Variants in ATP13A3 observed in about 807,000 individuals in gnomAD.
ATP13A3 encodes ATPase 13A3, also known as polyamine-transporting ATPase 13A3.
Under a neutral mutation model 158.1 loss-of-function variants are expected in ATP13A3, and 59 were observed. The ratio of observed to expected loss-of-function variants is 0.37; its 90% CI spans 0.30 to 0.46. ATP13A3 has a LOEUF of 0.46. ATP13A3 is among the 20% of genes least tolerant of loss of function. The pLI is 1.00. For synonymous variants in ATP13A3, 491 were observed against 504.3 expected (o/e 0.97, Z 0.35); for missense variants, 1,166 against 1,525.2 (o/e 0.76, Z 3.92).
At chr3:194,455,761 T>C in intron 8 of ATP13A3, 132 bp downstream of exon 8, 1 of 653,518 alleles carries the variant, frequency 1.5e-6, no homozygotes, top group South Asian at 2.0e-5. Context: ...GTCTTCCGTC[T>C]TTACCTTCCA....
chr3:194,429,961 G>T, intron 26 of ATP13A3, 111 bp downstream of exon 26: 1 of 1,057,452 alleles, frequency 9.5e-7, no homozygotes, highest in Non-Finnish European at 1.4e-6. Flanking sequence ...CAGCTCAAAT[G>T]TGCTAATCTG....
At chr3:194,471,673 C>T (rs1720313252) in intron 2 of ATP13A3, among the ~76,000 whole-genome samples, 1 of 152,234 alleles carries the variant, frequency 6.6e-6, no homozygotes, top group African/African-American at 2.4e-5. Flanking sequence ...TTTTATCAAA[C>T]TAATTCATCT....
At chr3:194,452,990 C>A (rs1025160873) in intron 10 of ATP13A3, 1 of 151,988 alleles carries the variant, frequency 6.6e-6, no homozygotes, top group Non-Finnish European at 1.5e-5. Context: ...AACTCAGGAA[C>A]TGAAATGTAT....
intron 2 of ATP13A3, among the ~76,000 whole-genome samples, chr3:194,483,297 AAAG>A (rs1327744622): frequency 6.6e-6 from 1 of 150,826 alleles, no homozygotes; most frequent in East Asian, 1.9e-4. Flanking sequence ...GGGGAAAAAA[AAAG>A]AAAAAAGGAC....
intron 10 of ATP13A3, 82 bp downstream of exon 10, chr3:194,453,624 G>T: frequency 9.8e-7 from 1 of 1,017,284 alleles, no homozygotes; most frequent in East Asian, 2.4e-5. Context: ...GAATGTATAT[G>T]TATTATACTT....
chr3:194,466,381 C>T (rs1719990341), intron 2 of ATP13A3, among the ~76,000 whole-genome samples: 1 of 152,092 alleles, frequency 6.6e-6, no homozygotes. Context: ...AGGAGAGATG[C>T]AAATTACCAG....
chr3:194,482,643 C>G (rs781669742), intron 2 of ATP13A3, among the ~76,000 whole-genome samples: 7 of 152,142 alleles, frequency 4.6e-5, no homozygotes, highest in Non-Finnish European at 8.8e-5. Flanking sequence ...AATTTCCTTG[C>G]TTCTTGCATG....
chr3:194,481,877 C>A (rs1025041659), intron 2 of ATP13A3, among the ~76,000 whole-genome samples: 13 of 152,100 alleles, frequency 8.5e-5, no homozygotes, highest in Non-Finnish European at 1.5e-4. Context: ...GTGTAAGAAT[C>A]AACAAAAAAG....
intron 11 of ATP13A3, 61 bp downstream of exon 11, chr3:194,450,080 TACTC>T: frequency 6.6e-7 from 1 of 1,520,908 alleles, no homozygotes; most frequent in Non-Finnish European, 9.0e-7. Context: ...TGAAAAGGCT[TACTC>T]ACTAACTTAG....
intron 2 of ATP13A3, among the ~76,000 whole-genome samples, chr3:194,480,740 A>G (rs1197194417): frequency 2.0e-5 from 3 of 152,334 alleles, no homozygotes; most frequent in East Asian, 1.9e-4. Context: ...ATTAAAACCA[A>G]TTCAACTACT....
At chr3:194,440,510 C>T (rs1717974681) in intron 16 of ATP13A3, among the ~76,000 whole-genome samples, 1 of 152,162 alleles carries the variant, frequency 6.6e-6, no homozygotes, top group East Asian at 1.9e-4. Flanking sequence ...AAGCACCATC[C>T]CCCATCCCCC....
chr3:194,446,842 G>A, intron 14 of ATP13A3, 85 bp downstream of exon 14: 1 of 1,305,116 alleles, frequency 7.7e-7, no homozygotes, highest in Non-Finnish European at 1.0e-6. Flanking sequence ...GTCCAAATTT[G>A]TTGACAAAGA....
intron 2 of ATP13A3, among the ~76,000 whole-genome samples, chr3:194,465,122 G>A (rs1719911454): frequency 6.6e-6 from 1 of 152,114 alleles, no homozygotes; most frequent in South Asian, 2.1e-4. Flanking sequence ...ATCAGGCAAT[G>A]AAGAAAACTG....
intron 4 of ATP13A3, among the ~76,000 whole-genome samples, chr3:194,460,413 T>C (rs1226087551): frequency 1.3e-5 from 2 of 152,150 alleles, no homozygotes; most frequent in African/African-American, 4.8e-5. Flanking sequence ...AAGTAGCTAA[T>C]CTCTCAGGGC....
chr3:194,421,932 G>A (rs1425002786), intron 30 of ATP13A3, among the ~76,000 whole-genome samples: 1 of 104,912 alleles, frequency 9.5e-6, no homozygotes, highest in African/African-American at 5.1e-5. Context: ...TTCTTGACAT[G>A]TGTGTCGTTG....
chr3:194,442,566 A>G (rs1167378529), intron 15 of ATP13A3, among the ~76,000 whole-genome samples: 1 of 152,198 alleles, frequency 6.6e-6, no homozygotes, highest in Non-Finnish European at 1.5e-5. Context: ...ATGCGAGAGT[A>G]GGGGTGGGAG....
chr3:194,437,372 T>C lies in ATP13A3; in HGVS notation c.1938A>G (p.Lys646=). 3.7e-6 allele frequency: 6 copies of C among 1,614,208 alleles called. No individual in the cohort carries two copies. Among genetic ancestry groups the C allele is most frequent in the Non-Finnish European group, 5.1e-6 (6 of 1,180,046 alleles). ...GCGCTCCTTTCATGTAGGCGTCCAT[T>C]TTCCTATCCCCCAGCACCCTGGCAA... is the stretch of plus-strand genomic sequence containing the variant. ...SVVARVLGDR[K]MDAYMKGAPE... is the part of the protein sequence containing the mutation. Residue 646 remains lysine (K), a synonymous_variant, in exon 19 of 34, where the codon AAA becomes AAG. Transcript: ENST00000645319.
intron 2 of ATP13A3, chr3:194,468,272 C>G (rs1167914044): frequency 6.6e-6 from 1 of 151,748 alleles, no homozygotes. Context: ...AGTTCCAATT[C>G]CACAGTGCAT....
chr3:194,455,987 G>A (rs1257589766), intron 7 of ATP13A3, 25 bp from the exon 8 acceptor site: 5 of 1,346,810 alleles, frequency 3.7e-6, no homozygotes, highest in Non-Finnish European at 5.2e-6. Flanking sequence ...TACATTCATA[G>A]TATTACATTA....
Sources: gnomAD v4.1 joint callset for allele counts (sites outside exome capture counted in the v4.1 genomes callset) on GRCh38, gnomAD v4.1.1 for gene constraint, MANE v1.5 for transcripts, NCBI Gene and HGNC (gene_info 2026-07-23, HGNC 2026-07-21) for gene names.